Variants in TYW5 observed in about 807,000 individuals in gnomAD.
TYW5 encodes the protein tRNA-yW synthesizing protein 5.
A neutral mutation model predicts 44.4 loss-of-function variants in TYW5; 36 were observed. That is an observed-to-expected ratio of 0.81 (90% CI 0.62 to 1.07). The LOEUF is 1.07. Ranked by LOEUF, TYW5 falls within the 50% of genes least tolerant of loss-of-function variation. The pLI is 0.00. For synonymous variants in TYW5, 121 were observed against 128.1 expected (o/e 0.94, Z 0.37); for missense variants, 354 against 365.7 (o/e 0.97, Z 0.26).
intron 1 of TYW5, among the ~76,000 whole-genome samples, chr2:199,949,108 A>C (rs981248018): frequency 6.6e-6 from 1 of 152,108 alleles, no homozygotes; most frequent in Non-Finnish European, 1.5e-5. Flanking sequence ...TTGTAATCCC[A>C]ACACTTTGGG....
intron 1 of TYW5, among the ~76,000 whole-genome samples, chr2:199,953,589 G>A (rs937320916): frequency 6.6e-6 from 1 of 152,122 alleles, no homozygotes; most frequent in African/African-American, 2.4e-5. Context: ...ATAGGAATAG[G>A]TATTTCTGCA....
chr2:199,936,939 A>G (rs1018848741), intron 5 of TYW5, among the ~76,000 whole-genome samples: 3 of 152,162 alleles, frequency 2.0e-5, no homozygotes, highest in Non-Finnish European at 2.9e-5. Flanking sequence ...TTCAACCATA[A>G]TTTCATTATA....
At chr2:199,944,779 G>A (rs766126231) in intron 2 of TYW5, 10 of 152,144 alleles carry the variant, frequency 6.6e-5, no homozygotes, top group African/African-American at 7.2e-5. Flanking sequence ...TGAGAAAGTC[G>A]AAAGAAAAGG....
chr2:199,954,259 G>A (rs1176247820), intron 1 of TYW5, among the ~76,000 whole-genome samples: 1 of 150,910 alleles, frequency 6.6e-6, no homozygotes, highest in Non-Finnish European at 1.5e-5. Flanking sequence ...GCGCCACCAC[G>A]CCCGGCTAAT....
chr2:199,948,494 C>T, intron 1 of TYW5, 22 bp from the exon 2 acceptor site: 2 of 1,612,880 alleles, frequency 1.2e-6, no homozygotes, highest in Non-Finnish European at 1.7e-6. Flanking sequence ...GAAAGAAATA[C>T]AACAAAATTC....
Position 199,929,083 on chromosome 2 carries a change from G to T in TYW5, c.*3984C>A, listed in dbSNP as rs2077350295. Reference sequence around the variant, plus strand: ...TCATGTTGCTCTTTACAAAGGAAGAGACCCAGCAGCTTTTAAGCCAGTTAG... The same window carrying T: ...TCATGTTGCTCTTTACAAAGGAAGATACCCAGCAGCTTTTAAGCCAGTTAG... On this transcript the variant is annotated 3_prime_UTR_variant, in exon 8 of 8. Coordinates refer to ENST00000354611, the MANE Select transcript of TYW5 (RefSeq NM_001039693.3). Among the ~76,000 whole-genome samples, 1 of 152,150 alleles carries T rather than the reference G, an allele frequency of 6.6e-6. No homozygotes were observed. The highest frequency in any genetic ancestry group is 6.5e-5 in the Admixed American group (1 of 15,272).
chr2:199,936,447 C>T lies in TYW5; in HGVS notation c.532G>A (p.Val178Ile), dbSNP rs2077421608. Reference sequence around the variant, plus strand: ...TGGGCATCTCGAGGACTGAAGAGTACAACACGCTTTTTTCCTGTCACTTGT... The same window carrying T: ...TGGGCATCTCGAGGACTGAAGAGTATAACACGCTTTTTTCCTGTCACTTGT... ...LIQVTGKKRV[V>I]LFSPRDAQYL... The change falls in exon 6 of 8, where the codon GTA (valine) becomes ATA (isoleucine). Residue 178 changes from valine to isoleucine, a missense_variant. Transcript: ENST00000354611. 6.2e-7 allele frequency: 1 copy of T among 1,613,348 alleles called. No homozygotes were observed. The highest frequency in any genetic ancestry group is 8.5e-7 in the Non-Finnish European group (1 of 1,179,722).
At chr2:199,954,988 C>G (rs781515133) in intron 1 of TYW5, among the ~76,000 whole-genome samples, 64 of 152,278 alleles carry the variant, frequency 4.2e-4, no homozygotes, top group African/African-American at 1.5e-3. Flanking sequence ...GGAACTAGAA[C>G]CTAAGTAAGT....
intron 3 of TYW5, 70 bp from the exon 4 acceptor site, chr2:199,940,203 G>C (rs967681033): frequency 1.5e-6 from 2 of 1,362,116 alleles, no homozygotes; most frequent in Non-Finnish European, 2.1e-6. Flanking sequence ...ACTAGGATTT[G>C]TATAGCTATC....
chr2:199,950,291 CA>C (rs918966255), intron 1 of TYW5, among the ~76,000 whole-genome samples: 30 of 152,104 alleles, frequency 2.0e-4, no homozygotes, highest in African/African-American at 5.8e-4. Context: ...TTGTAATTCC[CA>C]TTTTCAGCAG....
At chr2:199,944,002 A>G in intron 2 of TYW5, 168 bp from the exon 3 acceptor site, 1 of 516,696 alleles carries the variant, frequency 1.9e-6, no homozygotes, top group Non-Finnish European at 3.4e-6. Context: ...TTCAAAACTT[A>G]TTGAGCAGTA....
chr2:199,939,037 A>G lies in TYW5; in HGVS notation c.382T>C (p.Leu128=). 6.2e-7 allele frequency: 1 copy of G among 1,611,522 alleles called. No homozygotes were observed. Among genetic ancestry groups the G allele is most frequent in the Non-Finnish European group, 8.5e-7 (1 of 1,179,282 alleles). Residue 128 remains leucine, a synonymous_variant, in exon 5 of 8, where the codon TTG becomes CTG. Transcript: ENST00000354611. ...TCTGGAAACTTAATATCTCCTTTCA[A>G]CAAAGGAAACTGCTTTCTGATATCT... ...VADIRKQFPL[L]KGDIKFPEFF... is the part of the protein sequence containing the mutation.
At position 199,929,803 on chromosome 2, in the gene TYW5, T is replaced by C. The variant is rs1331876360; in HGVS notation, c.*3264A>G. Among the ~76,000 whole-genome samples, 1 of 151,786 alleles carries C rather than the reference T, an allele frequency of 6.6e-6. No individual in the cohort carries two copies. Among genetic ancestry groups the C allele is most frequent in the East Asian group, 1.9e-4 (1 of 5,184 alleles). The stretch of plus-strand genomic sequence containing the variant: ...TCAAATACCAAGACAAATAATGTTA[T>C]GAAATGCTAATAATTACACTCTGTT... On this transcript the variant is annotated 3_prime_UTR_variant, in exon 8 of 8. Coordinates refer to ENST00000354611, the MANE Select transcript of TYW5 (RefSeq NM_001039693.3).
At chr2:199,947,549 G>A (rs2077512409) in intron 2 of TYW5, 2 of 152,152 alleles carry the variant, frequency 1.3e-5, no homozygotes, top group Admixed American at 6.5e-5. Context: ...ATTTTTAAAA[G>A]TTATCTAAGA....
rs2077420975 is a variant in TYW5 at position 199,936,405 on chromosome 2, C to G, written c.574G>C (p.Gly192Arg). 1 of 1,608,472 alleles carries G rather than the reference C, an allele frequency of 6.2e-7. No individual in the cohort carries two copies. The highest frequency in any genetic ancestry group is 8.5e-7 in the Non-Finnish European group (1 of 1,178,264). The change falls in exon 6 of 8, where the codon GGT becomes CGT. Residue 192 changes from glycine to arginine, a missense_variant and splice_region_variant. Physicochemically the swap from Gly to Arg is moderately radical, Grantham distance 125 (BLOSUM62 -2). Coordinates refer to ENST00000354611, the MANE Select transcript of TYW5 (RefSeq NM_001039693.3). ...PRDAQYLYLK[G>R]TKSEVLNIDN... Reference sequence around the variant, plus strand: ...TATAAACTTAAAAAAAATCCCATACCTTTTAAATATAAATACTGGGCATCT... The same window carrying G: ...TATAAACTTAAAAAAAATCCCATACGTTTTAAATATAAATACTGGGCATCT...
chr2:199,955,456 G>T lies in TYW5; in HGVS notation c.15C>A (p.His5Gln), dbSNP rs371095372. The change falls in exon 1 of 8, where the codon CAC becomes CAA. Residue 5 changes from histidine to glutamine, a missense_variant. By Grantham distance (24) the His-to-Gln change is conservative. Transcript: ENST00000354611. Reference sequence around the variant, plus strand: ...CGCCCTCCAGCCGGGGTACCGGGAGGTGCTGCCCGGCCATGGTTGCTCACG... The same window carrying T: ...CGCCCTCCAGCCGGGGTACCGGGAGTTGCTGCCCGGCCATGGTTGCTCACG... MAGQ[H>Q]LPVPRLEGVS... is the part of the protein sequence containing the mutation. 6.2e-7 allele frequency: 1 copy of T among 1,613,832 alleles called. No homozygotes were observed. Among genetic ancestry groups the T allele is most frequent in the Non-Finnish European group, 8.5e-7 (1 of 1,179,952 alleles).
chr2:199,948,528 A>G, intron 1 of TYW5, 56 bp from the exon 2 acceptor site: 1 of 1,588,702 alleles, frequency 6.3e-7, no homozygotes, highest in East Asian at 2.2e-5. Context: ...ACACATCAAG[A>G]GCTGTATTTG....
At chr2:199,953,840 G>C (rs995198228) in intron 1 of TYW5, among the ~76,000 whole-genome samples, 1 of 152,096 alleles carries the variant, frequency 6.6e-6, no homozygotes, top group Non-Finnish European at 1.5e-5. Flanking sequence ...ATGATGCTTT[G>C]TGCTGTATGT....
At chr2:199,935,841 A>G (rs1030774303) in intron 7 of TYW5, 90 bp downstream of exon 7, 8 of 831,194 alleles carry the variant, frequency 9.6e-6, no homozygotes, top group African/African-American at 1.7e-5. Flanking sequence ...ACAAATATAT[A>G]TTTGTACTAA....
Sources: gnomAD v4.1 joint callset for allele counts (sites outside exome capture counted in the v4.1 genomes callset) on GRCh38, gnomAD v4.1.1 for gene constraint, MANE v1.5 for transcripts, NCBI Gene and HGNC (gene_info 2026-07-23, HGNC 2026-07-21) for gene names.